LRCH1: variants seen among roughly 807,000 people sequenced by gnomAD.
The protein encoded by LRCH1 is leucine-rich repeat and calponin homology domain-containing protein 1.
In LRCH1, 23 loss-of-function variants were observed where a neutral mutation model predicts 94.9. That is an observed-to-expected ratio of 0.24 (90% CI 0.17 to 0.34). The LOEUF (loss-of-function observed/expected upper bound fraction) is 0.34. Ranked by LOEUF, LRCH1 falls within the 10% of genes least tolerant of loss-of-function variation. LRCH1 has a pLI of 1.00. For synonymous variants in LRCH1, 364 were observed against 354.9 expected, an observed-to-expected ratio of 1.03 and a Z score of -0.29; for missense variants, 790 against 945.9, an observed-to-expected ratio of 0.84 and a Z score of 2.16.
chr13:46,584,351 G>C (rs2050407249), intron 1 of LRCH1, among the ~76,000 whole-genome samples: 1 of 152,216 alleles, frequency 6.6e-6, no homozygotes, highest in South Asian at 2.1e-4. Flanking sequence ...GCATCACCTA[G>C]GAGCTGGTGG....
chr13:46,605,003 G>C (rs905148989), intron 1 of LRCH1, among the ~76,000 whole-genome samples: 1 of 152,204 alleles, frequency 6.6e-6, no homozygotes, highest in Non-Finnish European at 1.5e-5. Context: ...CTAATTGACA[G>C]CCAATTATGT....
chr13:46,600,355 A>G (rs2050613744), intron 1 of LRCH1, among the ~76,000 whole-genome samples: 1 of 152,142 alleles, frequency 6.6e-6, no homozygotes, highest in African/African-American at 2.4e-5. Flanking sequence ...GTTTTCTCAG[A>G]TGGCTGGATT....
chr13:46,707,673 G>T (rs1468369556), intron 13 of LRCH1, among the ~76,000 whole-genome samples: 1 of 152,110 alleles, frequency 6.6e-6, no homozygotes, highest in Non-Finnish European at 1.5e-5. Flanking sequence ...CAATTGGATG[G>T]TCATTCCAAT....
At chr13:46,570,472 C>T (rs1032682134) in intron 1 of LRCH1, among the ~76,000 whole-genome samples, 3 of 152,134 alleles carry the variant, frequency 2.0e-5, no homozygotes, top group Non-Finnish European at 4.4e-5. Context: ...AAGGTCACAG[C>T]GCTGATTAGT....
intron 2 of LRCH1, among the ~76,000 whole-genome samples, chr13:46,665,031 TG>T (rs2051497031): frequency 6.6e-6 from 1 of 152,198 alleles, no homozygotes; most frequent in South Asian, 2.1e-4. Context: ...GCCAATTGAG[TG>T]AGTAAATTTG....
At chr13:46,672,689 C>A (rs9534463) in intron 3 of LRCH1, among the ~76,000 whole-genome samples, 5 of 152,056 alleles carry the variant, frequency 3.3e-5, no homozygotes, top group Admixed American at 6.5e-5. Flanking sequence ...GCACCCTGTC[C>A]TGGCCCCAGC....
intron 1 of LRCH1, among the ~76,000 whole-genome samples, chr13:46,627,232 C>T (rs1483161596): frequency 6.6e-6 from 1 of 152,036 alleles, no homozygotes; most frequent in East Asian, 1.9e-4. Context: ...ATGCTTAAGC[C>T]CCATATGTTA....
At chr13:46,696,360 A>G (rs1871190109) in intron 9 of LRCH1, among the ~76,000 whole-genome samples, 1 of 152,230 alleles carries the variant, frequency 6.6e-6, no homozygotes, top group African/African-American at 2.4e-5. Context: ...CGATTCTTCC[A>G]TGAAAATGTG....
At chr13:46,659,130 C>G (rs2051412665) in intron 2 of LRCH1, among the ~76,000 whole-genome samples, 1 of 152,068 alleles carries the variant, frequency 6.6e-6, no homozygotes, top group Admixed American at 6.5e-5. Flanking sequence ...CAAAATTGTT[C>G]ACAATTTTTT....
chr13:46,602,042 T>C (rs1353259228), intron 1 of LRCH1, among the ~76,000 whole-genome samples: 3 of 152,244 alleles, frequency 2.0e-5, no homozygotes, highest in African/African-American at 7.2e-5. Context: ...GATCCAGCTA[T>C]GGTTTAAAGG....
At chr13:46,563,034 A>T (rs1174400742) in intron 1 of LRCH1, among the ~76,000 whole-genome samples, 1 of 152,046 alleles carries the variant, frequency 6.6e-6, no homozygotes. Context: ...CTTCTCACCA[A>T]CATTTGCAAG....
intron 1 of LRCH1, among the ~76,000 whole-genome samples, chr13:46,627,260 T>C (rs908306314): frequency 1.3e-5 from 2 of 152,228 alleles, no homozygotes; most frequent in Admixed American, 6.5e-5. Flanking sequence ...CACACTTTGG[T>C]AAATAACATT....
intron 6 of LRCH1, 94 bp from the exon 7 acceptor site, chr13:46,689,039 A>C: frequency 9.7e-7 from 1 of 1,029,942 alleles, no homozygotes; most frequent in Non-Finnish European, 1.5e-6. Flanking sequence ...GCGTAGCAAA[A>C]TTATTATTAG....
chr13:46,610,388 T>C (rs2050734524), intron 1 of LRCH1, among the ~76,000 whole-genome samples: 2 of 152,128 alleles, frequency 1.3e-5, no homozygotes, highest in African/African-American at 2.4e-5. Flanking sequence ...TTGGGGAAAA[T>C]TGTGGTCACT....
In LRCH1 at chr13:46,743,796, G is replaced by A. The variant is rs1873786537; in HGVS notation, c.*1948G>A. On this transcript the variant is annotated 3_prime_UTR_variant, in exon 20 of 20. Transcript: ENST00000389797. Reference sequence around the variant, plus strand: ...AAATAATATCAATAAAAACTGAGTAGGACACTCATGTAAGAGTAGATTTAA... The same window carrying A: ...AAATAATATCAATAAAAACTGAGTAAGACACTCATGTAAGAGTAGATTTAA... 1 of 983,438 alleles carries A rather than the reference G, an allele frequency of 1.0e-6. No homozygotes were observed. Among genetic ancestry groups the A allele is most frequent in the Non-Finnish European group, 1.2e-6 (1 of 828,478 alleles). The allele number at this position is 983,438 out of a possible 1,614,324, so 60.9% of individuals were successfully genotyped here.
At chr13:46,669,575 C>T (rs920693274) in intron 3 of LRCH1, among the ~76,000 whole-genome samples, 3 of 152,068 alleles carry the variant, frequency 2.0e-5, no homozygotes, top group African/African-American at 4.8e-5. Context: ...CTGATTCTGT[C>T]GAGATTTTAG....
At chr13:46,565,695 A>C (rs1479761892) in intron 1 of LRCH1, among the ~76,000 whole-genome samples, 2 of 151,704 alleles carry the variant, frequency 1.3e-5, no homozygotes, top group Non-Finnish European at 2.9e-5. Flanking sequence ...CCTGTAATCC[A>C]AGCTACTCAG....
At chr13:46,748,102 C>T (rs75691735), downstream of LRCH1, among the ~76,000 whole-genome samples, 345 of 152,146 alleles carry the variant, frequency 2.3e-3, 3 homozygotes, top group African/African-American at 7.9e-3. Flanking sequence ...TCTTATTAAT[C>T]GGGCTTGTTT....
At chr13:46,607,867 G>C (rs1381361281) in intron 1 of LRCH1, among the ~76,000 whole-genome samples, 1 of 152,094 alleles carries the variant, frequency 6.6e-6, no homozygotes, top group Non-Finnish European at 1.5e-5. Context: ...GAGAGCTTCA[G>C]CTCCTGGGAA....
Sources: gnomAD v4.1 joint callset for allele counts (sites outside exome capture counted in the v4.1 genomes callset) on GRCh38, gnomAD v4.1.1 for gene constraint, MANE v1.5 for transcripts, NCBI Gene and HGNC (gene_info 2026-07-23, HGNC 2026-07-21) for gene names.